ALX3: variants seen among roughly 807,000 people sequenced by gnomAD.
ALX3 encodes ALX homeobox 3.
In ALX3, 17 loss-of-function variants were observed where a neutral mutation model predicts 26.3. The observed-to-expected ratio is 0.65, with a 90% CI of 0.44 to 0.97. The LOEUF is 0.97. Ranked by LOEUF, ALX3 falls within the 50% of genes least tolerant of loss-of-function variation. The pLI, the probability that ALX3 is intolerant of heterozygous loss-of-function variation, is 0.00. For missense variants in ALX3, 461 were observed against 466.5 expected, an observed-to-expected ratio of 0.99 and a Z score of 0.11; for synonymous variants, 208 against 201.4, an observed-to-expected ratio of 1.03 and a Z score of -0.28.
chr1:110,067,399 T>C (rs1313893305), intron 1 of ALX3, among the ~76,000 whole-genome samples: 5 of 152,196 alleles, frequency 3.3e-5, no homozygotes. Flanking sequence ...GGGTGTCTTC[T>C]GCCTGCATAA....
Position 110,064,646 on chromosome 1 carries a change from C to G in ALX3, c.535G>C (p.Asp179His). Residue 179 changes from aspartate (D) to histidine (H), a missense_variant, in exon 2 of 4, where the codon GAT (aspartate) becomes CAT (histidine). By Grantham distance (81) the Asp-to-His change is moderately conservative (BLOSUM62 -1). This residue lies in a region of ALX3 where 51 missense variants were observed against 82.4 expected (regional missense o/e 0.62). Coordinates refer to ENST00000647563, the MANE Select transcript of ALX3 (RefSeq NM_006492.3). Reference protein sequence around the residue: ...EKVFQKTHYPDVYAREQLALR... With the variant: ...EKVFQKTHYPHVYAREQLALR... The stretch of plus-strand genomic sequence containing the variant: ...GCCAGCTGCTCCCGGGCATACACAT[C>G]AGGATAGTGGGTTTTCTGGAAGACC... The G allele has an allele frequency of 2.5e-6, 4 of 1,614,212 alleles. No homozygotes were observed. Among genetic ancestry groups the G allele is most frequent in the Non-Finnish European group, 3.4e-6 (4 of 1,180,048 alleles).
intron 3 of ALX3, 64 bp downstream of exon 3, chr1:110,061,371 C>T: frequency 6.2e-7 from 1 of 1,613,296 alleles, no homozygotes; most frequent in African/African-American, 1.3e-5. Flanking sequence ...TTTCTTCAGG[C>T]CAGACCTCAT....
At chr1:110,065,009 C>A in intron 1 of ALX3, 106 bp from the exon 2 acceptor site, 2 of 1,135,750 alleles carry the variant, frequency 1.8e-6, no homozygotes, top group Non-Finnish European at 2.4e-6. Context: ...TCCGCCTCCC[C>A]CTTCCTTTCC....
Position 110,064,633 on chromosome 1 carries a change from C to T in ALX3, c.548G>A (p.Arg183Gln), listed in dbSNP as rs776355454. 5.0e-6 allele frequency: 8 copies of T among 1,614,026 alleles called. No individual in the cohort carries two copies. The highest frequency in any genetic ancestry group is 2.7e-5 in the African/African-American group (2 of 74,938). ...GTCTGTGCGCAGGGCCAGCTGCTCC[C>T]GGGCATACACATCAGGATAGTGGGT... Reference protein sequence around the residue: ...QKTHYPDVYAREQLALRTDLT... With the variant: ...QKTHYPDVYAQEQLALRTDLT... The change falls in exon 2 of 4, where the codon CGG becomes CAG. Residue 183 changes from arginine (R) to glutamine (Q), a missense_variant. By Grantham distance (43) the Arg-to-Gln change is conservative (BLOSUM62 1). Coordinates refer to ENST00000647563, the MANE Select transcript of ALX3 (RefSeq NM_006492.3).
chr1:110,068,111 C>T (rs1653832512), intron 1 of ALX3, among the ~76,000 whole-genome samples: 1 of 152,228 alleles, frequency 6.6e-6, no homozygotes, highest in Non-Finnish European at 1.5e-5. Flanking sequence ...CAAAGGGCGG[C>T]CTGGGGCTGC....
intron 2 of ALX3, among the ~76,000 whole-genome samples, chr1:110,062,713 A>C (rs182640689): frequency 6.6e-6 from 1 of 151,072 alleles, no homozygotes; most frequent in Non-Finnish European, 1.5e-5. Context: ...ACATGCAGGC[A>C]GGTAAGGCAC....
chr1:110,065,156 G>C (rs1273140716), intron 1 of ALX3, among the ~76,000 whole-genome samples: 1 of 152,318 alleles, frequency 6.6e-6, no homozygotes, highest in South Asian at 2.1e-4. Flanking sequence ...GCCAGAGTGG[G>C]GTTCATTTCG....
At chr1:110,069,002 T>TG (rs112545140) in intron 1 of ALX3, among the ~76,000 whole-genome samples, 13 of 152,126 alleles carry the variant, frequency 8.5e-5, no homozygotes, top group East Asian at 1.9e-4. Context: ...GACGCGGGCC[T>TG]GGGGGGGTGG....
chr1:110,062,194 T>C (rs115330786), intron 2 of ALX3: 1,893 of 153,632 alleles, frequency 0.012, 22 homozygotes, highest in South Asian at 0.04. Context: ...TGCTTAGGTT[T>C]TCTCTTCCTG....
chr1:110,069,375 G>C (rs1320075795), intron 1 of ALX3, among the ~76,000 whole-genome samples: 1 of 152,218 alleles, frequency 6.6e-6, no homozygotes, highest in African/African-American at 2.4e-5. Flanking sequence ...TCTGGGCCTA[G>C]GCTGCGGGAT....
intron 2 of ALX3, among the ~76,000 whole-genome samples, chr1:110,064,306 C>T (rs1040130722): frequency 6.6e-6 from 1 of 152,226 alleles, no homozygotes; most frequent in African/African-American, 2.4e-5. Flanking sequence ...CCCCAAATCA[C>T]CTCCAGTAAG....
chr1:110,068,238 T>C (rs1653834949), intron 1 of ALX3, among the ~76,000 whole-genome samples: 1 of 152,182 alleles, frequency 6.6e-6, no homozygotes, highest in South Asian at 2.1e-4. Context: ...CGCTCACTCG[T>C]GTGGACTGGA....
At chr1:110,061,808 T>A (rs1227419938) in intron 2 of ALX3, 2 of 576,940 alleles carry the variant, frequency 3.5e-6, no homozygotes, top group Middle Eastern at 4.8e-4. Flanking sequence ...CCAGGTTGAA[T>A]CACTGTGGTC....
rs551530170 is a variant in ALX3 at position 110,060,812 on chromosome 1, C to T, written c.953G>A (p.Gly318Asp). The T allele has an allele frequency of 8.7e-6, 14 of 1,613,984 alleles. No individual in the cohort carries two copies. The South Asian group carries it at 1.4e-4, about 16-fold the overall frequency. Reference sequence around the variant, plus strand: ...GACGAGGCTTGGAGACTTATAGTCACCATCTGAGGAAGGCTCAAAGCTGTG... The same window carrying T: ...GACGAGGCTTGGAGACTTATAGTCATCATCTGAGGAAGGCTCAAAGCTGTG... ...GGHSFEPSSD[G>D]DYKSPSLVSL... is the part of the protein sequence containing the mutation. The change falls in exon 4 of 4, where the codon GGT becomes GAT. Residue 318 changes from glycine (G) to aspartate (D), a missense_variant. Around this residue, in one of 3 missense-constraint regions of ALX3, gnomAD observed 169 missense variants for 178.0 expected, o/e 0.95. Coordinates refer to ENST00000647563, the MANE Select transcript of ALX3 (RefSeq NM_006492.3).
rs1469204799 is a variant in ALX3, at chr1:110,070,666, C to A, written c.-54G>T. On this transcript the variant is annotated 5_prime_UTR_variant, in exon 1 of 4. Coordinates refer to ENST00000647563, the MANE Select transcript of ALX3 (RefSeq NM_006492.3). ...GCTCCGGGGCTCGCGCTGCCCGCGCCGCCTGTGAGCGCCCGCCAAGGGGGA... is the reference window on the plus strand; with the variant it reads ...GCTCCGGGGCTCGCGCTGCCCGCGCAGCCTGTGAGCGCCCGCCAAGGGGGA... The A allele has an allele frequency of 7.6e-6, 9 of 1,178,044 alleles. No individual in the cohort carries two copies. The highest frequency in any genetic ancestry group is 5.0e-5 in the African/African-American group (3 of 60,472). 73.0% of individuals were successfully genotyped at this position (1,178,044 alleles called of 1,614,324 possible).
intron 1 of ALX3, among the ~76,000 whole-genome samples, chr1:110,067,770 C>T (rs1570939658): frequency 6.6e-6 from 1 of 152,236 alleles, no homozygotes; most frequent in African/African-American, 2.4e-5. Context: ...CTGCAGCTCC[C>T]GCCGAAGACT....
rs71580517 is a variant in ALX3, at chr1:110,066,572, T to TCCCCCCCCCCCCC, written c.278-1670_278-1669insGGGGGGGGGGGGG. Reference sequence around the variant, plus strand: ...AGACTAGGGACACTGGAATGGGACATCCCCCCCCCCCGCCCCCGCCACCCC... The same window carrying TCCCCCCCCCCCCC: ...AGACTAGGGACACTGGAATGGGACATCCCCCCCCCCCCCCCCCCCCCCCCGCCCCCGCCACCCC... On this transcript the variant is annotated intron_variant, in intron 1 of 3. Transcript: ENST00000647563. 9.4e-4 allele frequency among the ~76,000 whole-genome samples: 68 copies of TCCCCCCCCCCCCC among 72,594 alleles called. 4 individuals carry two copies. Among genetic ancestry groups the TCCCCCCCCCCCCC allele is most frequent in the Middle Eastern group, 6.7e-3 (1 of 150 alleles). 47.6% of individuals were successfully genotyped at this position (72,594 alleles called of 152,430 possible).
chr1:110,061,382 A>G, intron 3 of ALX3, 53 bp downstream of exon 3: 1 of 1,613,950 alleles, frequency 6.2e-7, no homozygotes, highest in Non-Finnish European at 8.5e-7. Flanking sequence ...CAGACCTCAT[A>G]TTCTTTTTGG....
At position 110,064,723 on chromosome 1, in the gene ALX3, T is replaced by C. The variant is rs772069495; in HGVS notation, c.458A>G (p.Lys153Arg). ...SMELAKNKSK[K>R]RRNRTTFSTF... ...GCTGAAGGTCGTGCGGTTACGACGC[T>C]TCTTGCTCTTGTTCTTGGCCAACTC... is the stretch of plus-strand genomic sequence containing the variant. The change falls in exon 2 of 4, where the codon AAG becomes AGG. Residue 153 changes from lysine (K) to arginine (R), a missense_variant. Transcript: ENST00000647563. 3 of 1,614,120 alleles carry C rather than the reference T, an allele frequency of 1.9e-6. No individual in the cohort carries two copies.
Sources: gnomAD v4.1 joint callset for allele counts (sites outside exome capture counted in the v4.1 genomes callset) on GRCh38, gnomAD v4.1.1 for gene constraint, gnomAD v4.1.1 regional missense constraint, MANE v1.5 for transcripts, NCBI Gene and HGNC (gene_info 2026-07-23, HGNC 2026-07-21) for gene names.